Variants in POC5 observed in about 807,000 individuals in gnomAD.
POC5 encodes the protein POC5 centriolar protein.
POC5 carries 48 observed loss-of-function variants against 62.9 expected under a neutral mutation model. The ratio of observed to expected loss-of-function variants is 0.76; its 90% CI spans 0.61 to 0.97. POC5 has a LOEUF of 0.97. Among genes scored for constraint, POC5 ranks in the 50% least tolerant of loss-of-function variants. POC5 has a pLI of 0.00. For synonymous variants in POC5, 236 were observed against 228.2 expected (o/e 1.03, Z -0.31); for missense variants, 696 against 679.5 (o/e 1.02, Z -0.27).
In POC5 at chr5:75,703,464, A is replaced by G. The variant is rs946104158; in HGVS notation, c.308-654T>C. On this transcript the variant is annotated intron_variant, in intron 4 of 11. Coordinates refer to ENST00000428202, the MANE Select transcript of POC5 (RefSeq NM_001099271.2). Reference sequence around the variant, plus strand: ...AACAAGGTGAAACCCCATCTCTACTAAAAATACAAAAATTAGCTGGGTGTG... The same window carrying G: ...AACAAGGTGAAACCCCATCTCTACTGAAAATACAAAAATTAGCTGGGTGTG... 2.0e-5 allele frequency among the ~76,000 whole-genome samples: 3 copies of G among 152,090 alleles called. No homozygotes were observed. The East Asian group carries it at 5.8e-4, about 30-fold the overall frequency.
intron 5 of POC5, among the ~76,000 whole-genome samples, chr5:75,699,125 A>G (rs973573601): frequency 2.6e-5 from 4 of 152,196 alleles, no homozygotes; most frequent in Non-Finnish European, 5.9e-5. Flanking sequence ...TCACAGCTGA[A>G]TTCTACCAGA....
At chr5:75,700,885 C>T (rs1438931095) in intron 5 of POC5, among the ~76,000 whole-genome samples, 2 of 137,860 alleles carry the variant, frequency 1.5e-5, no homozygotes, top group Admixed American at 1.5e-4. Flanking sequence ...AAAAAGCAAA[C>T]AACCCCATCA....
intron 5 of POC5, among the ~76,000 whole-genome samples, chr5:75,701,236 C>T (rs1776865526): frequency 7.1e-6 from 1 of 141,830 alleles, no homozygotes; most frequent in Non-Finnish European, 1.6e-5. Context: ...ACCCAAAGGA[C>T]TATAAATCAT....
At chr5:75,691,800 A>G (rs913486135) in intron 7 of POC5, among the ~76,000 whole-genome samples, 5 of 152,108 alleles carry the variant, frequency 3.3e-5, no homozygotes, top group African/African-American at 1.2e-4. Context: ...TTGATACAAC[A>G]ATTTAGTATT....
At chr5:75,700,124 G>A (rs944959356) in intron 5 of POC5, among the ~76,000 whole-genome samples, 6 of 152,176 alleles carry the variant, frequency 3.9e-5, no homozygotes, top group African/African-American at 9.6e-5. Flanking sequence ...AGTCAGTATC[G>A]TGAAAATGGC....
intron 5 of POC5, among the ~76,000 whole-genome samples, chr5:75,698,819 A>G (rs1051646257): frequency 1.2e-4 from 19 of 152,334 alleles, no homozygotes; most frequent in Admixed American, 8.5e-4. Context: ...ATAGACTGCT[A>G]GCAAGACTAA....
chr5:75,706,558 G>A (rs368099440), intron 3 of POC5, among the ~76,000 whole-genome samples: 97 of 147,260 alleles, frequency 6.6e-4, no homozygotes, highest in African/African-American at 2.2e-3. Flanking sequence ...ACAGCATCTC[G>A]AAAGTTTTTT....
intron 5 of POC5, among the ~76,000 whole-genome samples, chr5:75,696,870 G>A (rs1776620863): frequency 1.3e-5 from 2 of 151,990 alleles, no homozygotes; most frequent in African/African-American, 4.8e-5. Flanking sequence ...AGGAGCTGAT[G>A]GAGCTGAAAA....
Position 75,711,666 on chromosome 5 carries a change from G to T in POC5, c.84+1188C>A, listed in dbSNP as rs545517392. Reference sequence around the variant, plus strand: ...ACACTGTATGTACAGGGAATATGGAGAGGCTTTCAACTTCAGTCCAAGAAC... The same window carrying T: ...ACACTGTATGTACAGGGAATATGGATAGGCTTTCAACTTCAGTCCAAGAAC... On this transcript the variant is annotated intron_variant, in intron 2 of 11. Transcript: ENST00000428202. Among the ~76,000 whole-genome samples the T allele has an allele frequency of 2.0e-5, 3 of 152,250 alleles. No individual in the cohort carries two copies. In the South Asian group the frequency reaches 6.2e-4, roughly 32 times the overall value.
At chr5:75,697,584 A>C (rs1400841929) in intron 5 of POC5, among the ~76,000 whole-genome samples, 3 of 152,158 alleles carry the variant, frequency 2.0e-5, no homozygotes, top group African/African-American at 7.2e-5. Context: ...ACAACCGGTA[A>C]CACCCACTGC....
intron 10 of POC5, among the ~76,000 whole-genome samples, chr5:75,680,489 C>T (rs949907701): frequency 1.3e-5 from 2 of 152,046 alleles, no homozygotes; most frequent in Non-Finnish European, 2.9e-5. Flanking sequence ...AATCTCTATA[C>T]GCTCATTGAA....
intron 2 of POC5, among the ~76,000 whole-genome samples, chr5:75,711,173 A>G (rs866437028): frequency 1.3e-5 from 2 of 152,252 alleles, no homozygotes; most frequent in Non-Finnish European, 1.5e-5. Flanking sequence ...TAAGTTATTT[A>G]AAAATAAAAT....
intron 7 of POC5, 96 bp from the exon 8 acceptor site, chr5:75,690,658 C>A (rs1258816891): frequency 4.2e-6 from 4 of 958,622 alleles, no homozygotes; most frequent in Non-Finnish European, 6.1e-6. Context: ...TGTACATATA[C>A]ACATTATTTA....
At chr5:75,705,918 G>A in intron 3 of POC5, 131 bp from the exon 4 acceptor site, 1 of 551,226 alleles carries the variant, frequency 1.8e-6, no homozygotes, top group Non-Finnish European at 3.1e-6. Flanking sequence ...TGGGGATATA[G>A]GAACACTAAA....
In POC5 at chr5:75,689,079, A is replaced by G. The variant is rs1259017984; in HGVS notation, c.1062T>C (p.Ala354=). 1.2e-6 allele frequency: 2 copies of G among 1,604,144 alleles called. No homozygotes were observed. The highest frequency in any genetic ancestry group is 1.1e-5 in the South Asian group (1 of 88,556). ...KEHFEDSMKK[A]FMRGVCALNL... The stretch of plus-strand genomic sequence containing the variant: ...TTAATGCACATACACCCCTCATGAA[A>G]GCTTTTTTCATGGAATCTTCAAAGT... The change falls in exon 9 of 12, where the codon GCT becomes GCC. Residue 354 remains alanine (A), a synonymous_variant. Coordinates refer to ENST00000428202, the MANE Select transcript of POC5 (RefSeq NM_001099271.2).
At chr5:75,688,167 T>C (rs1000286547) in intron 9 of POC5, among the ~76,000 whole-genome samples, 2 of 152,242 alleles carry the variant, frequency 1.3e-5, no homozygotes, top group African/African-American at 2.4e-5. Flanking sequence ...ATTCATTGGA[T>C]TGAAATCATG....
At chr5:75,692,298 A>AT in intron 7 of POC5, 98 bp downstream of exon 7, 1 of 793,178 alleles carries the variant, frequency 1.3e-6, no homozygotes, top group Non-Finnish European at 1.9e-6. Context: ...TCACAAATTC[A>AT]TTTTGACTTA....
chr5:75,677,655 A>C lies in POC5; in HGVS notation c.1584+119T>G, dbSNP rs1775720190. Reference sequence around the variant, plus strand: ...AAAAAAAACTGTAACAGGAAAAGGCAGAACAAGTACCAGTCATCATAAATT... The same window carrying C: ...AAAAAAAACTGTAACAGGAAAAGGCCGAACAAGTACCAGTCATCATAAATT... On this transcript the variant is annotated intron_variant, in intron 11 of 11. Coordinates refer to ENST00000428202, the MANE Select transcript of POC5 (RefSeq NM_001099271.2). 2.8e-6 allele frequency: 2 copies of C among 703,890 alleles called. 1 individual carries two copies. The highest frequency in any genetic ancestry group is 1.4e-4 in the South Asian group (2 of 14,592). The allele number at this position is 703,890 out of a possible 1,614,324, so 43.6% of individuals were successfully genotyped here.
chr5:75,674,424 A>G lies in POC5; in HGVS notation c.*11T>C, dbSNP rs531138817. 3 of 1,613,420 alleles carry G rather than the reference A, an allele frequency of 1.9e-6. No homozygotes were observed. The highest frequency in any genetic ancestry group is 2.2e-5 in the East Asian group (1 of 44,866). On this transcript the variant is annotated 3_prime_UTR_variant, in exon 12 of 12. Coordinates refer to ENST00000428202, the MANE Select transcript of POC5 (RefSeq NM_001099271.2). ...GAGGGATTAAAAGACCCCACTATGG[A>G]CATATTCACTTTAGTCAACCACTTT...
Sources: gnomAD v4.1 joint callset for allele counts (sites outside exome capture counted in the v4.1 genomes callset) on GRCh38, gnomAD v4.1.1 for gene constraint, MANE v1.5 for transcripts, NCBI Gene and HGNC (gene_info 2026-07-23, HGNC 2026-07-21) for gene names.